The following SLC1A2 variants were observed in gnomAD, a reference collection of about 807,000 sequenced individuals.
The protein encoded by SLC1A2 is solute carrier family 1 member 2.
Under a neutral mutation model 48.8 loss-of-function variants are expected in SLC1A2, and 15 were observed. The ratio of observed to expected loss-of-function variants is 0.31; its 90% CI spans 0.21 to 0.47. The LOEUF (loss-of-function observed/expected upper bound fraction) is 0.47, where lower values mean the gene tolerates loss of function less well. Ranked by LOEUF, SLC1A2 falls within the 20% of genes least tolerant of loss-of-function variation. SLC1A2 has a pLI of 0.99. For synonymous variants in SLC1A2, 279 were observed against 272.6 expected (o/e 1.02, Z -0.23); for missense variants, 502 against 730.5 (o/e 0.69, Z 3.61).
chr11:35,326,757 A>G (rs7102122), intron 1 of SLC1A2, among the ~76,000 whole-genome samples: 121,514 of 152,152 alleles, frequency 0.8, 49,092 homozygotes, highest in East Asian at 0.93. Flanking sequence ...CTTCCTCAAA[A>G]GTTCCCTGGA....
intron 1 of SLC1A2, among the ~76,000 whole-genome samples, chr11:35,379,612 T>C (rs1263649674): frequency 1.3e-5 from 2 of 152,206 alleles, no homozygotes; most frequent in African/African-American, 4.8e-5. Flanking sequence ...AGAGAGACAT[T>C]TGATCGCCTT....
At chr11:35,385,338 T>A (rs1854553443) in intron 1 of SLC1A2, among the ~76,000 whole-genome samples, 1 of 152,162 alleles carries the variant, frequency 6.6e-6, no homozygotes, top group African/African-American at 2.4e-5. Flanking sequence ...TTCATCCTCA[T>A]CACAACCCTG....
At chr11:35,343,570 T>C (rs1028754510) in intron 1 of SLC1A2, among the ~76,000 whole-genome samples, 1 of 152,306 alleles carries the variant, frequency 6.6e-6, no homozygotes, top group Middle Eastern at 3.4e-3. Flanking sequence ...TAACTCTCCA[T>C]ACTTTCACTA....
intron 7 of SLC1A2, among the ~76,000 whole-genome samples, chr11:35,288,434 A>G (rs1281993080): frequency 6.6e-6 from 1 of 152,128 alleles, no homozygotes; most frequent in East Asian, 1.9e-4. Context: ...CTAGCTTGCT[A>G]TCTTAATGAG....
intron 4 of SLC1A2, among the ~76,000 whole-genome samples, 185 bp from the exon 5 acceptor site, chr11:35,306,427 T>C (rs1010697615): frequency 6.6e-6 from 1 of 152,258 alleles, no homozygotes. Flanking sequence ...GGTGTTTTAT[T>C]ATACACAGTG....
At position 35,348,183 on chromosome 11, in the gene SLC1A2, C is replaced by T. The variant is rs115930545; in HGVS notation, c.18-30667G>A. Among the ~76,000 whole-genome samples, 1,368 of 152,250 alleles carry T rather than the reference C, an allele frequency of 9.0e-3. 12 individuals carry two copies. Among genetic ancestry groups the T allele is most frequent in the African/African-American group, 0.032 (1,310 of 41,566 alleles). On this transcript the variant is annotated intron_variant, in intron 1 of 10. Transcript: ENST00000278379. ...TTCATAAGCAGAGCCTCCCCAGGAACAGGCCTGTCAACTGGTGCAATGGCC... is the reference window on the plus strand; with the variant it reads ...TTCATAAGCAGAGCCTCCCCAGGAATAGGCCTGTCAACTGGTGCAATGGCC...
At chr11:35,390,143 G>A (rs986370239) in intron 1 of SLC1A2, among the ~76,000 whole-genome samples, 1 of 152,170 alleles carries the variant, frequency 6.6e-6, no homozygotes, top group African/African-American at 2.4e-5. Context: ...CAGTTAGCCT[G>A]CTCTAAAAGA....
intron 1 of SLC1A2, among the ~76,000 whole-genome samples, chr11:35,413,324 C>G (rs148727129): frequency 2.4e-4 from 36 of 152,330 alleles, no homozygotes; most frequent in African/African-American, 8.4e-4. Flanking sequence ...GAAAGCCTAG[C>G]TTTGCCACTC....
Position 35,280,893 on chromosome 11 carries a change from G to A in SLC1A2, c.1395C>T (p.Ser465=), listed in dbSNP as rs1180171155. ...TAVGLPTEDI[S]LLVAVDWLLD... ...GCAGCCAGTCCACAGCCACCAGCAG[G>A]CTGATGTCCTCTGTTGGCAGGCCCA... Residue 465 remains serine (S), a synonymous_variant, in exon 9 of 11, where the codon AGC becomes AGT. Transcript: ENST00000278379. 5.0e-6 allele frequency: 8 copies of A among 1,612,116 alleles called. No individual in the cohort carries two copies. In the Admixed American group the frequency reaches 8.4e-5, roughly 17 times the overall value.
At chr11:35,314,650 T>C (rs1851811830) in intron 3 of SLC1A2, among the ~76,000 whole-genome samples, 1 of 151,724 alleles carries the variant, frequency 6.6e-6, no homozygotes, top group African/African-American at 2.4e-5. Flanking sequence ...GAGGCACAGG[T>C]TGCAGTGAGC....
rs1315993888 is a variant in SLC1A2 at position 35,254,817 on chromosome 11, A to G, written c.*6077T>C. On this transcript the variant is annotated 3_prime_UTR_variant, in exon 11 of 11. Coordinates refer to ENST00000278379, the MANE Select transcript of SLC1A2 (RefSeq NM_004171.4). ...CTCAGCACAAAAGGGCCCTGTGTAAAAACCAGAAGGATTTTGTAAAATATC... is the reference window on the plus strand; with the variant it reads ...CTCAGCACAAAAGGGCCCTGTGTAAGAACCAGAAGGATTTTGTAAAATATC... The G allele has an allele frequency of 4.4e-6, 2 of 455,926 alleles. No individual in the cohort carries two copies. Among genetic ancestry groups the G allele is most frequent in the Non-Finnish European group, 8.8e-6 (2 of 226,910 alleles). 28.2% of individuals were successfully genotyped at this position (455,926 alleles called of 1,614,324 possible).
At chr11:35,313,707 GA>G (rs1430565560) in intron 3 of SLC1A2, among the ~76,000 whole-genome samples, 3 of 152,148 alleles carry the variant, frequency 2.0e-5, no homozygotes, top group African/African-American at 7.2e-5. Flanking sequence ...CAGGTGCAGA[GA>G]ACATTTTCTC....
chr11:35,339,380 G>A (rs916127775), intron 1 of SLC1A2, among the ~76,000 whole-genome samples: 2 of 152,148 alleles, frequency 1.3e-5, no homozygotes, highest in Non-Finnish European at 2.9e-5. Context: ...CCGTTCCACA[G>A]GGCATCTTCT....
intron 1 of SLC1A2, among the ~76,000 whole-genome samples, chr11:35,332,668 T>A (rs908441336): frequency 6.6e-6 from 1 of 151,850 alleles, no homozygotes; most frequent in Middle Eastern, 3.2e-3. Flanking sequence ...AATGGCAGGG[T>A]TTTTTTGCCA....
chr11:35,304,381 A>G (rs1354671198), intron 5 of SLC1A2, among the ~76,000 whole-genome samples: 1 of 152,172 alleles, frequency 6.6e-6, no homozygotes, highest in Non-Finnish European at 1.5e-5. Context: ...ATGACCCACC[A>G]GAAAAGACCA....
At chr11:35,343,546 C>A (rs1375801364) in intron 1 of SLC1A2, among the ~76,000 whole-genome samples, 1 of 152,118 alleles carries the variant, frequency 6.6e-6, no homozygotes, top group African/African-American at 2.4e-5. Flanking sequence ...TGAGTGTATA[C>A]TTTTCACTTG....
chr11:35,270,539 A>G (rs2134635611), intron 9 of SLC1A2, among the ~76,000 whole-genome samples: 1 of 152,352 alleles, frequency 6.6e-6, no homozygotes, highest in African/African-American at 2.4e-5. Context: ...CCAATTGCTT[A>G]GGCAGCAAAA....
intron 1 of SLC1A2, among the ~76,000 whole-genome samples, chr11:35,406,603 A>G (rs1010893310): frequency 6.6e-6 from 1 of 152,116 alleles, no homozygotes; most frequent in African/African-American, 2.4e-5. Context: ...GAACTGAGGT[A>G]GAAATTAGTA....
chr11:35,311,171 G>GT (rs1851677230), intron 4 of SLC1A2, among the ~76,000 whole-genome samples: 1 of 151,202 alleles, frequency 6.6e-6, no homozygotes, highest in African/African-American at 2.4e-5. Flanking sequence ...TTGTTTTTTT[G>GT]TTTTTTGTTT....
Sources: gnomAD v4.1 joint callset for allele counts (sites outside exome capture counted in the v4.1 genomes callset) on GRCh38, gnomAD v4.1.1 for gene constraint, MANE v1.5 for transcripts, NCBI Gene and HGNC (gene_info 2026-07-23, HGNC 2026-07-21) for gene names.